The following MAPRE3 variants were observed in gnomAD, a reference collection of about 807,000 sequenced individuals.
The protein encoded by MAPRE3 is microtubule associated protein RP/EB family member 3, also known as microtubule-associated protein RP/EB family member 3.
In MAPRE3, 2 loss-of-function variants were observed where a neutral mutation model predicts 30.5. The ratio of observed to expected loss-of-function variants is 0.07; its 90% CI spans 0.03 to 0.21. The LOEUF (loss-of-function observed/expected upper bound fraction) is 0.21, where lower values mean the gene tolerates loss of function less well. Among genes scored for constraint, MAPRE3 ranks in the 10% least tolerant of loss-of-function variants. MAPRE3 has a pLI of 1.00. For synonymous variants in MAPRE3, 110 were observed against 127.7 expected, an observed-to-expected ratio of 0.86 and a Z score of 0.93; for missense variants, 204 against 351.8, an observed-to-expected ratio of 0.58 and a Z score of 3.36.
intron 2 of MAPRE3, chr2:27,022,689 A>T (rs2148228404): frequency 4.6e-6 from 1 of 217,666 alleles, no homozygotes; most frequent in South Asian, 8.7e-5. Flanking sequence ...GTGATAATAA[A>T]ATAAAAACAT....
chr2:26,981,862 G>A (rs769083386), intron 1 of MAPRE3, among the ~76,000 whole-genome samples: 5 of 152,146 alleles, frequency 3.3e-5, no homozygotes, highest in East Asian at 1.9e-4. Context: ...CTTGACAGTC[G>A]ACTCTTAGAT....
At chr2:27,006,939 C>T (rs1386467882) in intron 1 of MAPRE3, among the ~76,000 whole-genome samples, 3 of 152,166 alleles carry the variant, frequency 2.0e-5, no homozygotes, top group Admixed American at 6.5e-5. Flanking sequence ...TGGGAAGAAA[C>T]CAATGGTGTA....
At chr2:27,009,835 T>C (rs1172668219) in intron 1 of MAPRE3, 1 of 152,264 alleles carries the variant, frequency 6.6e-6, no homozygotes, top group African/African-American at 2.4e-5. Context: ...TACAAAGCTT[T>C]CCCTGATGCA....
intron 4 of MAPRE3, among the ~76,000 whole-genome samples, chr2:27,024,790 G>A (rs539269018): frequency 6.6e-6 from 1 of 152,172 alleles, no homozygotes; most frequent in Non-Finnish European, 1.5e-5. Context: ...TAGAAACGAG[G>A]CTTTGTCTGG....
Position 27,022,222 on chromosome 2 carries a change from G to A in MAPRE3, c.4G>A (p.Ala2Thr). Residue 2 changes from alanine to threonine, a missense_variant, in exon 2 of 7, where the codon GCC becomes ACC. By Grantham distance (58) the Ala-to-Thr change is moderately conservative (BLOSUM62 0). This residue lies in a region of MAPRE3 where 101 missense variants were observed against 205.4 expected (regional missense o/e 0.49). Transcript: ENST00000233121. ...CTTCTTGCTTTCCAGCTGGGGTATG[G>A]CCGTCAATGTGTACTCCACATCTGT... M[A>T]VNVYSTSVTS... 1 of 1,613,628 alleles carries A rather than the reference G, an allele frequency of 6.2e-7. No homozygotes were observed.
chr2:27,006,039 G>A (rs534796104), intron 1 of MAPRE3, among the ~76,000 whole-genome samples: 12 of 152,188 alleles, frequency 7.9e-5, no homozygotes, highest in South Asian at 2.1e-4. Context: ...AAAATTAGCC[G>A]GGCACAGTGG....
Position 27,025,750 on chromosome 2 carries a change from G to A in MAPRE3, c.624+13G>A. On this transcript the variant is annotated intron_variant, in intron 5 of 6. Coordinates refer to ENST00000233121, the MANE Select transcript of MAPRE3 (RefSeq NM_012326.4). ...ACTCAACCAACAGGTGAGTGGGATG[G>A]GTAAGGGTAGCTGAGATAGCCCTGT... The A allele has an allele frequency of 6.2e-7, 1 of 1,614,206 alleles. No homozygotes were observed. Among genetic ancestry groups the A allele is most frequent in the Non-Finnish European group, 8.5e-7 (1 of 1,180,030 alleles).
At chr2:26,976,345 C>T (rs948167711) in intron 1 of MAPRE3, among the ~76,000 whole-genome samples, 7 of 152,218 alleles carry the variant, frequency 4.6e-5, no homozygotes, top group African/African-American at 1.7e-4. Context: ...ACACACCTAT[C>T]ATTTGGACAT....
chr2:27,011,375 A>G (rs1260226479), intron 1 of MAPRE3, among the ~76,000 whole-genome samples: 1 of 152,128 alleles, frequency 6.6e-6, no homozygotes, highest in Non-Finnish European at 1.5e-5. Context: ...AGCACTTCAT[A>G]TATTCTGCTT....
chr2:26,978,033 A>T (rs1666046279), intron 1 of MAPRE3, among the ~76,000 whole-genome samples: 2 of 152,132 alleles, frequency 1.3e-5, no homozygotes, highest in African/African-American at 4.8e-5. Context: ...CTACCCAAAT[A>T]CTTGTCCTAG....
chr2:27,019,594 C>T (rs149464736), intron 1 of MAPRE3, among the ~76,000 whole-genome samples: 7 of 152,304 alleles, frequency 4.6e-5, no homozygotes, highest in African/African-American at 9.6e-5. Flanking sequence ...GGCGCAGAGA[C>T]GTTGTGGAGG....
chr2:27,015,328 C>T lies in MAPRE3; in HGVS notation c.-7-6884C>T, dbSNP rs1390367567. ...TCATAACTGTTCTGTGAGGTGGGAG[C>T]TGTCACTGTCCTCACTTTATAGATG... is the stretch of plus-strand genomic sequence containing the variant. On this transcript the variant is annotated intron_variant, in intron 1 of 6. Transcript: ENST00000233121. This position sits in a 1 kb window ranked among gnomAD's most constrained non-coding sequence, Gnocchi z 4.0. 1.3e-5 allele frequency among the ~76,000 whole-genome samples: 2 copies of T among 152,234 alleles called. No homozygotes were observed. The highest frequency in any genetic ancestry group is 2.9e-5 in the Non-Finnish European group (2 of 68,022).
intron 1 of MAPRE3, among the ~76,000 whole-genome samples, chr2:26,995,780 G>GGTGTGT (rs1276648645): frequency 0.14 from 15,428 of 109,370 alleles, 1,778 homozygotes; most frequent in Middle Eastern, 0.17. Context: ...TTCTAAGAGA[G>GGTGTGT]GTGTGTGTGT....
chr2:26,973,259 C>T (rs1665948505), intron 1 of MAPRE3, among the ~76,000 whole-genome samples: 1 of 152,154 alleles, frequency 6.6e-6, no homozygotes, highest in Non-Finnish European at 1.5e-5. Flanking sequence ...GTGATGATGC[C>T]GTTTCTGACC....
chr2:26,976,150 A>G (rs1666009823), intron 1 of MAPRE3, among the ~76,000 whole-genome samples: 1 of 152,192 alleles, frequency 6.6e-6, no homozygotes, highest in African/African-American at 2.4e-5. Context: ...CACACTGTGT[A>G]GCTAAGTTCT....
At chr2:26,999,620 C>A (rs922542047) in intron 1 of MAPRE3, among the ~76,000 whole-genome samples, 5 of 151,216 alleles carry the variant, frequency 3.3e-5, no homozygotes, top group African/African-American at 1.2e-4. Flanking sequence ...TCTCCTGCCT[C>A]AGCCTCCTGA....
At chr2:27,008,490 AT>A (rs1190913068) in intron 1 of MAPRE3, among the ~76,000 whole-genome samples, 2 of 152,296 alleles carry the variant, frequency 1.3e-5, no homozygotes, top group East Asian at 1.9e-4. Flanking sequence ...CTGAATTTGG[AT>A]TTTTTGGAGG....
At chr2:26,982,472 G>C (rs1666136017) in intron 1 of MAPRE3, among the ~76,000 whole-genome samples, 1 of 152,220 alleles carries the variant, frequency 6.6e-6, no homozygotes, top group Non-Finnish European at 1.5e-5. Flanking sequence ...TTTCATGAAA[G>C]CCAGGACCTA....
intron 1 of MAPRE3, among the ~76,000 whole-genome samples, chr2:26,998,348 G>A (rs1666512702): frequency 6.6e-6 from 1 of 152,160 alleles, no homozygotes; most frequent in African/African-American, 2.4e-5. Context: ...AAACAGGCCT[G>A]CTTGTGAATG....
Sources: allele counts gnomAD v4.1 joint callset (sites outside exome capture counted in the v4.1 genomes callset), GRCh38; gene constraint gnomAD v4.1.1; regional missense constraint gnomAD v4.1.1; non-coding constraint Gnocchi (gnomAD v3.1); transcripts MANE v1.5; gene names NCBI Gene and HGNC (gene_info 2026-07-23, HGNC 2026-07-21).